The following CPNE7 variants were observed in gnomAD, a reference collection of about 807,000 sequenced individuals.
The protein encoded by CPNE7 is copine-7.
In CPNE7, 78 loss-of-function variants were observed where a neutral mutation model predicts 66.5. That is an observed-to-expected ratio of 1.17 (90% CI 0.98 to 1.42). The LOEUF is 1.42. CPNE7 is among the 40% of genes most tolerant of loss of function. The probability of loss-of-function intolerance (pLI) is 0.00; values close to 1 mark genes in which losing one functional copy is unlikely to be tolerated. For synonymous variants in CPNE7, 468 were observed against 336.7 expected (o/e 1.39, Z -4.27); for missense variants, 1,012 against 776.6 (o/e 1.30, Z -3.60).
intron 9 of CPNE7, chr16:89,587,469 G>C: frequency 2.3e-6 from 1 of 434,518 alleles, no homozygotes; most frequent in East Asian, 7.2e-5. Flanking sequence ...GCGAGGAAAC[G>C]GGCTTGGGGT....
At position 89,584,604 on chromosome 16, in the gene CPNE7, G is replaced by T. The variant is rs2059006703; in HGVS notation, c.508-170G>T. Among the ~76,000 whole-genome samples, 1 of 152,148 alleles carries T rather than the reference G, an allele frequency of 6.6e-6. No individual in the cohort carries two copies. The highest frequency in any genetic ancestry group is 2.4e-5 in the African/African-American group (1 of 41,434). ...TGCCCGCCGTGGTCAGATCCCTGGG[G>T]GCGGGAGGGAGGGACGAGATGCTGT... On this transcript the variant is annotated intron_variant, in intron 4 of 14. Coordinates refer to ENST00000319518, the MANE Select transcript of CPNE7 (RefSeq NM_153636.3). The surrounding 1 kb of genome is among the most constrained non-coding windows in gnomAD (Gnocchi z 6.0).
chr16:89,586,789 C>G, intron 8 of CPNE7, 33 bp downstream of exon 8: 1 of 1,558,892 alleles, frequency 6.4e-7, no homozygotes. Context: ...GCCTCCCCAC[C>G]CACAAGAGGG....
At chr16:89,593,358 A>ATT (rs201847141) in intron 13 of CPNE7, among the ~76,000 whole-genome samples, 88 of 144,254 alleles carry the variant, frequency 6.1e-4, no homozygotes, top group African/African-American at 8.9e-4. Flanking sequence ...ACCTCTTAAT[A>ATT]TTTTTTTTTT....
At chr16:89,579,725 A>G (rs1185211047) in intron 2 of CPNE7, among the ~76,000 whole-genome samples, 5 of 148,670 alleles carry the variant, frequency 3.4e-5, no homozygotes, top group Non-Finnish European at 7.4e-5. Context: ...CACCCATCAC[A>G]CGGAACATCC....
chr16:89,589,988 C>T (rs1288250471), intron 11 of CPNE7, 37 bp downstream of exon 11: 1 of 1,609,820 alleles, frequency 6.2e-7, no homozygotes, highest in Non-Finnish European at 8.5e-7. Flanking sequence ...CAGAGCTGTG[C>T]CCTTCTCGTG....
rs2059267125 is a variant in CPNE7, at chr16:89,597,039, A to G, written c.*418A>G. ...CTGGGGGACCCAGACACCTGTCCCC[A>G]CAGTCAAAGCCTGGGGACCCAGACA... On this transcript the variant is annotated 3_prime_UTR_variant, in exon 15 of 15. Transcript: ENST00000319518. The G allele has an allele frequency of 6.3e-6, 1 of 159,038 alleles. No individual in the cohort carries two copies. The highest frequency in any genetic ancestry group is 2.4e-5 in the African/African-American group (1 of 41,576). 9.9% of individuals were successfully genotyped at this position (159,038 alleles called of 1,614,324 possible).
At chr16:89,583,609 T>G (rs529632953) in intron 2 of CPNE7, 88 bp from the exon 3 acceptor site, 2 of 1,606,952 alleles carry the variant, frequency 1.2e-6, no homozygotes, top group East Asian at 4.5e-5. Context: ...AGGACAGGCC[T>G]GAGAGTCCGG....
Position 89,588,715 on chromosome 16 carries a change from A to C in CPNE7, c.968A>C (p.Asn323Thr). 1.9e-6 allele frequency: 3 copies of C among 1,613,530 alleles called. No homozygotes were observed. Among genetic ancestry groups the C allele is most frequent in the Non-Finnish European group, 2.5e-6 (3 of 1,179,948 alleles). Reference sequence around the variant, plus strand: ...ACCGCCTCCAATGGAGACCCGCGGAACAGCTGCTCCCTGCACTACATCAAC... The same window carrying C: ...ACCGCCTCCAATGGAGACCCGCGGACCAGCTGCTCCCTGCACTACATCAAC... ...DFTASNGDPR[N>T]SCSLHYINPY... is the part of the protein sequence containing the mutation. The change falls in exon 10 of 15, where the codon AAC becomes ACC. Residue 323 changes from asparagine (N) to threonine (T), a missense_variant. Physicochemically the swap from Asn to Thr is moderately conservative, Grantham distance 65. Transcript: ENST00000319518.
rs1242046597 is a variant in CPNE7, at chr16:89,584,513, G to A, written c.508-261G>A. On this transcript the variant is annotated intron_variant, in intron 4 of 14. Coordinates refer to ENST00000319518, the MANE Select transcript of CPNE7 (RefSeq NM_153636.3). This position sits in a 1 kb window ranked among gnomAD's most constrained non-coding sequence, Gnocchi z 6.0. ...CCCTGGAGGGGCTGAGTCGCAGGGT[G>A]TGTAGGGCAAGTCCGTGGAGGGCTG... Among the ~76,000 whole-genome samples the A allele has an allele frequency of 2.0e-5, 3 of 152,024 alleles. No individual in the cohort carries two copies. The highest frequency in any genetic ancestry group is 4.1e-4 in the South Asian group (2 of 4,822).
intron 9 of CPNE7, among the ~76,000 whole-genome samples, chr16:89,588,159 C>T (rs1195085013): frequency 1.2e-5 from 1 of 85,636 alleles, no homozygotes; most frequent in African/African-American, 4.7e-5. Flanking sequence ...ACACGGCCCC[C>T]GTGTCACCCG....
chr16:89,587,604 C>T, intron 9 of CPNE7: 1 of 454,004 alleles, frequency 2.2e-6, no homozygotes, highest in African/African-American at 2.0e-5. Flanking sequence ...AGTGAACCAG[C>T]CACAGTCTCT....
At chr16:89,587,696 C>CGG in intron 9 of CPNE7, 1 of 355,096 alleles carries the variant, frequency 2.8e-6, no homozygotes, top group Admixed American at 2.9e-5. Flanking sequence ...TAGATACGCA[C>CGG]ACCCCGTGTC....
intron 11 of CPNE7, among the ~76,000 whole-genome samples, chr16:89,590,480 G>T (rs1267821874): frequency 6.6e-6 from 1 of 151,926 alleles, no homozygotes; most frequent in Non-Finnish European, 1.5e-5. Flanking sequence ...AGCTGAGATC[G>T]CACCACTGCA....
chr16:89,588,923 C>T (rs533665374), intron 10 of CPNE7, 115 bp downstream of exon 10: 111 of 1,349,890 alleles, frequency 8.2e-5, no homozygotes, highest in Middle Eastern at 7.5e-4. Flanking sequence ...CAGGTGCACC[C>T]GGCCGGTTTT....
At chr16:89,585,410 C>T (rs2377061) in intron 5 of CPNE7, 54 bp from the exon 6 acceptor site, 47 of 1,296,114 alleles carry the variant, frequency 3.6e-5, no homozygotes, top group African/African-American at 1.9e-4. Context: ...TCTATCCCCC[C>T]CAAGGATCCC....
In CPNE7 at chr16:89,576,036, G is replaced by T; in HGVS notation, c.139G>T (p.Ala47Ser). 7.5e-7 allele frequency: 1 copy of T among 1,330,562 alleles called. No homozygotes were observed. The allele number at this position is 1,330,562 out of a possible 1,614,324, so 82.4% of individuals were successfully genotyped here. A position where few individuals can be genotyped will look rare whatever the true frequency, so the allele number is the denominator to read the frequency against. ...GCTCACCAAGTCCGACCCCAGCGTGGCGTTGCTGCAGCAGGCGCAGGGCCA... is the reference window on the plus strand; with the variant it reads ...GCTCACCAAGTCCGACCCCAGCGTGTCGTTGCTGCAGCAGGCGCAGGGCCA... ...DPLTKSDPSV[A>S]LLQQAQGQWV... The change falls in exon 1 of 15, where the codon GCG (alanine) becomes TCG (serine). Residue 47 changes from alanine (A) to serine (S), a missense_variant. By Grantham distance (99) the Ala-to-Ser change is moderately conservative (BLOSUM62 1). Transcript: ENST00000319518.
chr16:89,592,903 C>G (rs2059197155), intron 13 of CPNE7, among the ~76,000 whole-genome samples: 1 of 143,720 alleles, frequency 7.0e-6, no homozygotes, highest in South Asian at 2.2e-4. Flanking sequence ...AGCTCCGCCT[C>G]CCGGGTTCAC....
rs993168723 is a variant in CPNE7, at chr16:89,596,478, C to T, written c.1540-6C>T. On this transcript the variant is annotated splice_polypyrimidine_tract_variant and splice_region_variant and intron_variant, in intron 14 of 14. Coordinates refer to ENST00000319518, the MANE Select transcript of CPNE7 (RefSeq NM_153636.3). ...CCAGAGGTAACTGCGTTGTCCCATC[C>T]TCCAGGCATCCCCTGCGGCGCTGGC... 4 of 1,604,098 alleles carry T rather than the reference C, an allele frequency of 2.5e-6. No individual in the cohort carries two copies. Among genetic ancestry groups the T allele is most frequent in the Non-Finnish European group, 3.4e-6 (4 of 1,177,594 alleles).
chr16:89,593,651 C>T (rs972274217), intron 13 of CPNE7, among the ~76,000 whole-genome samples: 1 of 152,226 alleles, frequency 6.6e-6, no homozygotes, highest in African/African-American at 2.4e-5. Flanking sequence ...CGCGCCCGGC[C>T]TACCTCTTAC....
Sources: gnomAD v4.1 joint callset for allele counts (sites outside exome capture counted in the v4.1 genomes callset) on GRCh38, gnomAD v4.1.1 for gene constraint, Gnocchi (gnomAD v3.1) non-coding constraint, MANE v1.5 for transcripts, NCBI Gene and HGNC (gene_info 2026-07-23, HGNC 2026-07-21) for gene names.